Variants in RFC3 observed in about 807,000 individuals in gnomAD.
The protein encoded by RFC3 is replication factor C subunit 3, also known as A1 38 kDa subunit.
In RFC3, 41 loss-of-function variants were observed where a neutral mutation model predicts 45.1. That is an observed-to-expected ratio of 0.91 (90% CI 0.71 to 1.18). The LOEUF is 1.18. Among genes scored for constraint, RFC3 ranks in the 50% most tolerant of loss-of-function variants. The probability of loss-of-function intolerance (pLI) is 0.00; values close to 1 mark genes in which losing one functional copy is unlikely to be tolerated. For synonymous variants in RFC3, 149 were observed against 144.0 expected (o/e 1.03, Z -0.25); for missense variants, 423 against 428.1 (o/e 0.99, Z 0.10).
chr13:33,825,890 G>A lies in RFC3; in HGVS notation c.391+4G>A. On this transcript the variant is annotated splice_donor_region_variant and intron_variant, in intron 4 of 8. Coordinates refer to ENST00000380071, the MANE Select transcript of RFC3 (RefSeq NM_002915.4). Reference sequence around the variant, plus strand: ...AACTCTCAAAGGGATTTTAAAGGTAGGTGATCAAAAGACTTCTTTTTATGA... The same window carrying A: ...AACTCTCAAAGGGATTTTAAAGGTAAGTGATCAAAAGACTTCTTTTTATGA... 6.3e-7 allele frequency: 1 copy of A among 1,591,658 alleles called. No homozygotes were observed. Among genetic ancestry groups the A allele is most frequent in the Non-Finnish European group, 8.6e-7 (1 of 1,165,586 alleles).
intron 8 of RFC3, among the ~76,000 whole-genome samples, chr13:33,898,584 A>G (rs1236830496): frequency 1.3e-5 from 2 of 151,916 alleles, no homozygotes; most frequent in Admixed American, 6.6e-5. Context: ...CAACTTAATG[A>G]TGTACCTCAA....
intron 8 of RFC3, among the ~76,000 whole-genome samples, chr13:33,920,139 G>A (rs2082758918): frequency 1.3e-5 from 2 of 152,106 alleles, no homozygotes; most frequent in Admixed American, 1.3e-4. Context: ...TGTTTGGCTA[G>A]CAGAACCTCA....
chr13:33,952,262 G>A (rs1410149791), intron 8 of RFC3, among the ~76,000 whole-genome samples: 1 of 152,192 alleles, frequency 6.6e-6, no homozygotes, highest in Non-Finnish European at 1.5e-5. Context: ...CATGTGCCTT[G>A]AGGATTCATT....
At chr13:33,854,649 CT>C (rs1229538635) in intron 8 of RFC3, among the ~76,000 whole-genome samples, 2 of 152,054 alleles carry the variant, frequency 1.3e-5, no homozygotes, top group African/African-American at 4.8e-5. Context: ...ATGGCTGCCC[CT>C]GAGAGATGGT....
intron 7 of RFC3, among the ~76,000 whole-genome samples, chr13:33,834,300 A>ATAT (rs1555308476): frequency 9.3e-4 from 3 of 3,242 alleles, no homozygotes; most frequent in African/African-American, 7.8e-4. Flanking sequence ...TACTGTGTGT[A>ATAT]TATATATATA....
chr13:33,951,501 G>A (rs2082991196), intron 8 of RFC3, among the ~76,000 whole-genome samples: 1 of 151,822 alleles, frequency 6.6e-6, no homozygotes, highest in Non-Finnish European at 1.5e-5. Flanking sequence ...AAAAGTGCTG[G>A]TATTACAGGC....
At chr13:33,874,697 C>G (rs1297014335) in intron 8 of RFC3, among the ~76,000 whole-genome samples, 1 of 152,176 alleles carries the variant, frequency 6.6e-6, no homozygotes, top group African/African-American at 2.4e-5. Flanking sequence ...GGCTGTAAAT[C>G]CAACTGAGAA....
intron 8 of RFC3, among the ~76,000 whole-genome samples, chr13:33,936,143 C>A (rs115775697): frequency 1.0e-3 from 153 of 152,170 alleles, no homozygotes; most frequent in African/African-American, 3.6e-3. Flanking sequence ...ATGCATACTG[C>A]CCCCAAGGTG....
At chr13:33,835,254 T>G (rs775379812) in intron 8 of RFC3, 37 bp downstream of exon 8, 1 of 1,394,974 alleles carries the variant, frequency 7.2e-7, no homozygotes, top group Non-Finnish European at 1.0e-6. Context: ...TTTACAGCTA[T>G]AAAATTTGGA....
At chr13:33,832,514 C>T (rs186428607) in intron 7 of RFC3, among the ~76,000 whole-genome samples, 8 of 152,286 alleles carry the variant, frequency 5.3e-5, no homozygotes, top group African/African-American at 1.7e-4. Context: ...GTGGATCATA[C>T]ATAGTGGGTA....
chr13:33,919,852 A>G (rs1346485036), intron 8 of RFC3, among the ~76,000 whole-genome samples: 2 of 152,158 alleles, frequency 1.3e-5, no homozygotes, highest in South Asian at 4.1e-4. Context: ...GGTCGTAGAT[A>G]AAATACTAGA....
At chr13:33,942,798 A>T (rs2137807499) in intron 8 of RFC3, among the ~76,000 whole-genome samples, 1 of 152,152 alleles carries the variant, frequency 6.6e-6, no homozygotes, top group South Asian at 2.1e-4. Flanking sequence ...TAGTCAATTT[A>T]TGTAGTGAGT....
Position 33,955,552 on chromosome 13 carries a change from C to T in RFC3, c.880-10535C>T, listed in dbSNP as rs930959583. On this transcript the variant is annotated intron_variant, in intron 8 of 8. Transcript: ENST00000434425. ...AAACCTAATCCTGATCTCACTCCCT[C>T]CTGACTAGTCCTTAACCCTGCCTCT... is the stretch of plus-strand genomic sequence containing the variant. Among the ~76,000 whole-genome samples, 50 of 152,282 alleles carry T rather than the reference C, an allele frequency of 3.3e-4. No homozygotes were observed. In the Middle Eastern group the frequency reaches 0.01, roughly 31 times the overall value.
intron 8 of RFC3, among the ~76,000 whole-genome samples, chr13:33,857,571 G>A (rs2082315708): frequency 7.1e-6 from 1 of 141,634 alleles, no homozygotes; most frequent in African/African-American, 2.5e-5. Flanking sequence ...AAAAACTGGG[G>A]AGTGTTAGTG....
intron 8 of RFC3, among the ~76,000 whole-genome samples, chr13:33,870,241 C>T (rs1267124769): frequency 3.3e-5 from 5 of 152,212 alleles, no homozygotes; most frequent in African/African-American, 9.6e-5. Context: ...CAGCTCACTT[C>T]CAGTGCCAGG....
At chr13:33,960,850 A>G (rs770746665) in intron 8 of RFC3, among the ~76,000 whole-genome samples, 9 of 152,198 alleles carry the variant, frequency 5.9e-5, no homozygotes, top group Non-Finnish European at 1.0e-4. Context: ...AAATCTGCCA[A>G]TGATCTCTGG....
chr13:33,977,042 G>A, the RFC3 span, among the ~76,000 whole-genome samples: 1 of 151,920 alleles, frequency 6.6e-6, no homozygotes, highest in Non-Finnish European at 1.5e-5. Flanking sequence ...ATGTAATCGT[G>A]AGAAAAAAAA....
intron 4 of RFC3, 176 bp from the exon 5 acceptor site, chr13:33,829,659 AT>A (rs2139404040): frequency 1.6e-6 from 1 of 623,908 alleles, no homozygotes; most frequent in South Asian, 1.9e-5. Flanking sequence ...TGATTGTAGC[AT>A]TTTAAAATAA....
intron 8 of RFC3, among the ~76,000 whole-genome samples, chr13:33,844,637 AAACT>A (rs1217859801): frequency 2.6e-5 from 4 of 152,142 alleles, no homozygotes; most frequent in South Asian, 2.1e-4. Context: ...CTAATTTCAA[AAACT>A]AACAGAGAAA....
Sources: gnomAD v4.1 joint callset for allele counts (sites outside exome capture counted in the v4.1 genomes callset) on GRCh38, gnomAD v4.1.1 for gene constraint, MANE v1.5 for transcripts, NCBI Gene and HGNC (gene_info 2026-07-23, HGNC 2026-07-21) for gene names.